The following DOCK1 variants were observed in gnomAD, a reference collection of about 807,000 sequenced individuals.
DOCK1 encodes dedicator of cytokinesis protein 1.
A neutral mutation model predicts 262.7 loss-of-function variants in DOCK1; 138 were observed. The observed-to-expected ratio is 0.53, with a 90% CI of 0.46 to 0.61. The LOEUF is 0.61. Among genes scored for constraint, DOCK1 ranks in the 20% least tolerant of loss-of-function variants. The pLI is 0.00. For synonymous variants in DOCK1, 866 were observed against 867.4 expected, an observed-to-expected ratio of 1.00 and a Z score of 0.03; for missense variants, 1,908 against 2,370.7, an observed-to-expected ratio of 0.80 and a Z score of 4.05.
At chr10:127,093,870 C>T (rs1024819549) in intron 23 of DOCK1, among the ~76,000 whole-genome samples, 1 of 152,174 alleles carries the variant, frequency 6.6e-6, no homozygotes, top group African/African-American at 2.4e-5. Flanking sequence ...GCTTGCAGTT[C>T]TGGAGGCTGG....
intron 1 of DOCK1, among the ~76,000 whole-genome samples, chr10:126,909,527 T>G (rs1346473099): frequency 6.6e-6 from 1 of 152,172 alleles, no homozygotes; most frequent in African/African-American, 2.4e-5. Flanking sequence ...ACCCTTGAGA[T>G]CTGTTACTAA....
intron 2 of DOCK1, among the ~76,000 whole-genome samples, chr10:126,973,478 A>C (rs1433295816): frequency 6.6e-6 from 1 of 152,154 alleles, no homozygotes; most frequent in Non-Finnish European, 1.5e-5. Context: ...ATCTGATTGC[A>C]GGCATTTGAC....
intron 6 of DOCK1, among the ~76,000 whole-genome samples, chr10:126,993,231 A>T (rs2039940128): frequency 6.6e-6 from 1 of 152,158 alleles, no homozygotes; most frequent in Admixed American, 6.5e-5. Context: ...TCCCTGAGGG[A>T]ACCCAATTCT....
At chr10:127,362,525 G>A (rs868068170) in intron 33 of DOCK1, among the ~76,000 whole-genome samples, 22 of 152,178 alleles carry the variant, frequency 1.4e-4, no homozygotes, top group African/African-American at 4.6e-4. Flanking sequence ...CTTGTAGAGC[G>A]TTTAATCAAA....
intron 29 of DOCK1, among the ~76,000 whole-genome samples, chr10:127,321,982 A>G (rs1186740492): frequency 6.6e-6 from 1 of 151,952 alleles, no homozygotes; most frequent in Non-Finnish European, 1.5e-5. Context: ...ACACACTTGT[A>G]ATCCCAGTTA....
At chr10:127,325,416 T>C (rs1050466170) in intron 29 of DOCK1, among the ~76,000 whole-genome samples, 1 of 152,226 alleles carries the variant, frequency 6.6e-6, no homozygotes, top group Non-Finnish European at 1.5e-5. Flanking sequence ...TGTGAGCTTA[T>C]TTAATGGTTA....
At chr10:126,927,783 C>T (rs1053608803) in intron 1 of DOCK1, among the ~76,000 whole-genome samples, 24 of 152,168 alleles carry the variant, frequency 1.6e-4, no homozygotes, top group African/African-American at 5.8e-4. Context: ...GTAGTCAGAG[C>T]TGCCCACGTG....
intron 1 of DOCK1, among the ~76,000 whole-genome samples, chr10:126,933,278 G>A (rs1048593110): frequency 1.2e-4 from 18 of 152,268 alleles, no homozygotes; most frequent in East Asian, 1.9e-4. Flanking sequence ...TGCCTACAGC[G>A]GCAGCCTCTC....
intron 27 of DOCK1, chr10:127,195,991 G>C (rs2057111085): frequency 6.6e-6 from 1 of 152,088 alleles, no homozygotes. Flanking sequence ...GCGGGGCTCC[G>C]CTTACCTTCC....
At position 127,329,526 on chromosome 10, in the gene DOCK1, G is replaced by A. The variant is rs575104944; in HGVS notation, c.3045-9480G>A. 3.3e-5 allele frequency among the ~76,000 whole-genome samples: 5 copies of A among 151,926 alleles called. No individual in the cohort carries two copies. The East Asian group carries it at 5.8e-4, about 18-fold the overall frequency. ...TGAGCAGACACTGGGGTGCTGGGGCGAGCAGACACTGGGGTGCTGGGGCGG... is the reference window on the plus strand; with the variant it reads ...TGAGCAGACACTGGGGTGCTGGGGCAAGCAGACACTGGGGTGCTGGGGCGG... On this transcript the variant is annotated intron_variant, in intron 29 of 51. Transcript: ENST00000623213.
rs1420488151 is a variant in DOCK1, at chr10:127,396,773, AT to A, written c.3928-6281del. ...CTGTTACAAAAAAAAAAAAAAAAAA[AT>A]CTTCATTTTTTTATCTAGGGCATTA... On this transcript the variant is annotated intron_variant, in intron 38 of 51. Transcript: ENST00000623213. Among the ~76,000 whole-genome samples the A allele has an allele frequency of 4.1e-5, 6 of 146,168 alleles. No individual in the cohort carries two copies. In the East Asian group the frequency reaches 8.0e-4, roughly 20 times the overall value.
chr10:127,292,602 G>A (rs766496789), intron 29 of DOCK1, among the ~76,000 whole-genome samples: 5 of 152,084 alleles, frequency 3.3e-5, no homozygotes, highest in Non-Finnish European at 7.4e-5. Flanking sequence ...ACAAATTGCA[G>A]GTGTGATCAT....
chr10:127,181,929 G>A (rs2055775020), intron 27 of DOCK1, among the ~76,000 whole-genome samples: 1 of 152,084 alleles, frequency 6.6e-6, no homozygotes, highest in South Asian at 2.1e-4. Flanking sequence ...TTCATTATCC[G>A]GTTTAATTTT....
At chr10:127,108,292 A>T (rs1485613239) in intron 24 of DOCK1, among the ~76,000 whole-genome samples, 1 of 152,196 alleles carries the variant, frequency 6.6e-6, no homozygotes, top group African/African-American at 2.4e-5. Context: ...CACTTAAAAA[A>T]GTCACCATTT....
intron 16 of DOCK1, among the ~76,000 whole-genome samples, chr10:127,029,195 A>C (rs1221984360): frequency 1.3e-5 from 2 of 152,208 alleles, no homozygotes; most frequent in African/African-American, 4.8e-5. Context: ...GGGATTTTGG[A>C]AACATGTTGA....
chr10:127,140,348 G>A (rs748056445), intron 27 of DOCK1, among the ~76,000 whole-genome samples: 1 of 152,130 alleles, frequency 6.6e-6, no homozygotes, highest in African/African-American at 2.4e-5. Flanking sequence ...GCTGCCCTGG[G>A]AATCTGCAAC....
At chr10:127,095,762 C>T (rs1200644332) in intron 23 of DOCK1, among the ~76,000 whole-genome samples, 2 of 152,152 alleles carry the variant, frequency 1.3e-5, no homozygotes, top group Non-Finnish European at 2.9e-5. Context: ...CAATATCCCT[C>T]TCCCTGAGAA....
intron 50 of DOCK1, among the ~76,000 whole-genome samples, chr10:127,445,223 G>A (rs1379354530): frequency 6.6e-6 from 1 of 152,176 alleles, no homozygotes; most frequent in Non-Finnish European, 1.5e-5. Context: ...TGAGGATGGG[G>A]ACGGCAGCAG....
intron 21 of DOCK1, among the ~76,000 whole-genome samples, chr10:127,052,153 C>G (rs184607501): frequency 3.8e-4 from 58 of 152,304 alleles, no homozygotes; most frequent in African/African-American, 1.4e-3. Flanking sequence ...CTTAGAACAA[C>G]GTCTACACTT....
Sources: gnomAD v4.1 joint callset for allele counts (sites outside exome capture counted in the v4.1 genomes callset) on GRCh38, gnomAD v4.1.1 for gene constraint, MANE v1.5 for transcripts, NCBI Gene and HGNC (gene_info 2026-07-23, HGNC 2026-07-21) for gene names.